The following DENND5B variants were observed in gnomAD, a reference collection of about 807,000 sequenced individuals.
DENND5B encodes the protein DENN domain-containing protein 5B.
Under a neutral mutation model 140.6 loss-of-function variants are expected in DENND5B, and 34 were observed. That is an observed-to-expected ratio of 0.24 (90% CI 0.18 to 0.32). The LOEUF is 0.32. DENND5B is among the 10% of genes least tolerant of loss of function. DENND5B has a pLI of 1.00. For missense variants in DENND5B, 1,142 were observed against 1,560.2 expected (o/e 0.73, Z 4.52); for synonymous variants, 551 against 562.1 (o/e 0.98, Z 0.28).
intron 1 of DENND5B, among the ~76,000 whole-genome samples, chr12:31,571,166 C>T (rs1355338821): frequency 1.3e-5 from 2 of 150,978 alleles, no homozygotes; most frequent in Non-Finnish European, 2.9e-5. Flanking sequence ...TGAAACATCA[C>T]TCTTTCTTAG....
chr12:31,589,597 C>T (rs542720513), intron 1 of DENND5B, among the ~76,000 whole-genome samples: 1 of 151,980 alleles, frequency 6.6e-6, no homozygotes, highest in East Asian at 1.9e-4. Flanking sequence ...CCCAGTCTCC[C>T]CACCCCCACC....
At chr12:31,405,364 G>A (rs1365971995) in intron 14 of DENND5B, among the ~76,000 whole-genome samples, 1 of 151,814 alleles carries the variant, frequency 6.6e-6, no homozygotes, top group Non-Finnish European at 1.5e-5. Context: ...CCAGAGGTGT[G>A]CACCACTACG....
chr12:31,474,909 G>A (rs1392287289), intron 3 of DENND5B, among the ~76,000 whole-genome samples: 1 of 152,042 alleles, frequency 6.6e-6, no homozygotes, highest in Non-Finnish European at 1.5e-5. Context: ...CTTTACAATA[G>A]ACCCACAGAA....
intron 17 of DENND5B, among the ~76,000 whole-genome samples, chr12:31,396,873 C>T (rs917976858): frequency 3.3e-5 from 5 of 152,112 alleles, no homozygotes; most frequent in African/African-American, 1.2e-4. Flanking sequence ...CTGCCCACTT[C>T]GGCCTCCCAA....
At position 31,402,637 on chromosome 12, in the gene DENND5B, G is replaced by A. The variant is rs777404042; in HGVS notation, c.2810C>T (p.Pro937Leu). The change falls in exon 15 of 21, where the codon CCG becomes CTG. Residue 937 changes from proline to leucine, a missense_variant. Transcript: ENST00000389082. ...FTSVFTTIMI[P>L]YRSVIIPIKK... ...GATTGGGATGATCACTGACCTATAC[G>A]GAATCACTGAAAGAAAAATGCAGAA... is the stretch of plus-strand genomic sequence containing the variant. The A allele has an allele frequency of 6.3e-6, 10 of 1,589,390 alleles. No homozygotes were observed. The highest frequency in any genetic ancestry group is 2.4e-5 in the South Asian group (2 of 84,950).
At chr12:31,423,044 G>A (rs190368637) in intron 11 of DENND5B, among the ~76,000 whole-genome samples, 87 of 151,586 alleles carry the variant, frequency 5.7e-4, no homozygotes, top group African/African-American at 2.0e-3. Flanking sequence ...GGGTTCAAGC[G>A]ATTCTCCTGC....
At position 31,513,482 on chromosome 12, in the gene DENND5B, A is replaced by G. The variant is rs551660543; in HGVS notation, c.128-17563T>C. Among the ~76,000 whole-genome samples the G allele has an allele frequency of 7.9e-5, 12 of 152,270 alleles. No homozygotes were observed. In the South Asian group the frequency reaches 2.3e-3, roughly 29 times the overall value. ...GAGATTTGTCTCTTCTCCATTTACT[A>G]ATTTATCTGATCATTTATTTACATC... is the stretch of plus-strand genomic sequence containing the variant. On this transcript the variant is annotated intron_variant, in intron 1 of 20. Transcript: ENST00000389082.
intron 1 of DENND5B, among the ~76,000 whole-genome samples, chr12:31,516,319 T>C (rs1481783313): frequency 6.6e-6 from 1 of 151,668 alleles, no homozygotes. Context: ...CCACAAAAAA[T>C]ATAAAAATTA....
chr12:31,460,888 G>T (rs1446042545), intron 3 of DENND5B, among the ~76,000 whole-genome samples: 2 of 151,968 alleles, frequency 1.3e-5, no homozygotes, highest in Non-Finnish European at 2.9e-5. Context: ...ACCACACCAG[G>T]CTAATTTTTG....
At chr12:31,586,618 T>C (rs1241631897) in intron 1 of DENND5B, among the ~76,000 whole-genome samples, 1 of 152,210 alleles carries the variant, frequency 6.6e-6, no homozygotes, top group Non-Finnish European at 1.5e-5. Context: ...CTAAAAACCA[T>C]TTGAAGCCTT....
chr12:31,570,903 C>T (rs897445763), intron 1 of DENND5B, among the ~76,000 whole-genome samples: 4 of 151,976 alleles, frequency 2.6e-5, no homozygotes, highest in African/African-American at 9.7e-5. Flanking sequence ...AGAAATGTTA[C>T]CTCCCTTACA....
chr12:31,541,689 A>T (rs1347411786), intron 1 of DENND5B, among the ~76,000 whole-genome samples: 1 of 152,162 alleles, frequency 6.6e-6, no homozygotes, highest in Non-Finnish European at 1.5e-5. Context: ...CAGTGATCCC[A>T]CTCCTAGGTA....
chr12:31,482,796 C>G (rs888679583), intron 2 of DENND5B, among the ~76,000 whole-genome samples: 8 of 152,152 alleles, frequency 5.3e-5, no homozygotes, highest in African/African-American at 1.9e-4. Flanking sequence ...TGTTTCTGCC[C>G]TTGTCCCCCA....
chr12:31,548,437 C>G (rs1948935101), intron 1 of DENND5B, among the ~76,000 whole-genome samples: 1 of 151,998 alleles, frequency 6.6e-6, no homozygotes, highest in Non-Finnish European at 1.5e-5. Flanking sequence ...GCGACTCTCT[C>G]ACCAGAAGCA....
At chr12:31,588,758 T>C (rs941918490) in intron 1 of DENND5B, among the ~76,000 whole-genome samples, 1 of 152,218 alleles carries the variant, frequency 6.6e-6, no homozygotes. Flanking sequence ...CACTAGAACG[T>C]ATGCTCCATG....
intron 3 of DENND5B, among the ~76,000 whole-genome samples, chr12:31,462,089 G>C (rs1945044578): frequency 6.6e-6 from 1 of 152,062 alleles, no homozygotes; most frequent in Non-Finnish European, 1.5e-5. Context: ...TCTGTTTATA[G>C]GAATAACTTC....
chr12:31,478,242 A>G (rs1055753857), intron 3 of DENND5B, among the ~76,000 whole-genome samples: 1 of 152,224 alleles, frequency 6.6e-6, no homozygotes. Flanking sequence ...TCAACACACA[A>G]ATAGTGTCAA....
chr12:31,447,825 T>C (rs1370518538), intron 5 of DENND5B, 56 bp from the exon 6 acceptor site: 2 of 1,183,620 alleles, frequency 1.7e-6, no homozygotes. Context: ...CAACACTACA[T>C]GATAAGCCTG....
At chr12:31,435,338 C>CAA (rs146931221) in intron 7 of DENND5B, among the ~76,000 whole-genome samples, 2,950 of 152,268 alleles carry the variant, frequency 0.019, 52 homozygotes, top group South Asian at 0.044. Context: ...CTTCTAATCT[C>CAA]AAAGTATAAA....
Sources: allele counts gnomAD v4.1 joint callset (sites outside exome capture counted in the v4.1 genomes callset), GRCh38; gene constraint gnomAD v4.1.1; transcripts MANE v1.5; gene names NCBI Gene and HGNC (gene_info 2026-07-23, HGNC 2026-07-21).